The following MSRA variants were observed in gnomAD, a reference collection of about 807,000 sequenced individuals.
The protein encoded by MSRA is mitochondrial peptide methionine sulfoxide reductase.
MSRA carries 54 observed loss-of-function variants against 31.3 expected under a neutral mutation model. The ratio of observed to expected loss-of-function variants is 1.73; its 90% CI spans 1.39 to 2.17. MSRA has a LOEUF of 2.17. Among genes scored for constraint, MSRA ranks in the 30% most tolerant of loss-of-function variants. MSRA has a pLI of 0.00. For missense variants in MSRA, 507 were observed against 300.9 expected, an observed-to-expected ratio of 1.69 and a Z score of -5.07; for synonymous variants, 169 against 116.5, an observed-to-expected ratio of 1.45 and a Z score of -2.90.
At chr8:10,367,078 C>T (rs1046292429) in intron 5 of MSRA, among the ~76,000 whole-genome samples, 1 of 152,174 alleles carries the variant, frequency 6.6e-6, no homozygotes, top group Non-Finnish European at 1.5e-5. Flanking sequence ...TTTTAAATTG[C>T]ATGCCGTTCT....
chr8:10,240,566 A>G (rs1028455054), intron 2 of MSRA, among the ~76,000 whole-genome samples: 5 of 152,008 alleles, frequency 3.3e-5, no homozygotes, highest in Non-Finnish European at 5.9e-5. Context: ...ATGTCCACCT[A>G]TGTCTCTCTA....
At chr8:10,128,262 C>G (rs1801642767) in intron 1 of MSRA, among the ~76,000 whole-genome samples, 1 of 151,908 alleles carries the variant, frequency 6.6e-6, no homozygotes, top group Non-Finnish European at 1.5e-5. Flanking sequence ...GCCTGTAATC[C>G]TAGCTGCTCA....
chr8:10,088,933 T>C (rs1254047863), intron 1 of MSRA, among the ~76,000 whole-genome samples: 1 of 152,042 alleles, frequency 6.6e-6, no homozygotes, highest in Non-Finnish European at 1.5e-5. Context: ...TTTAAAAAGA[T>C]CTCAAATATT....
intron 4 of MSRA, among the ~76,000 whole-genome samples, chr8:10,311,579 A>G (rs1447094706): frequency 6.6e-6 from 1 of 152,160 alleles, no homozygotes. Context: ...TTCTCTTACC[A>G]TAATGCAAGT....
At chr8:10,313,058 C>G (rs1362007858) in intron 4 of MSRA, among the ~76,000 whole-genome samples, 1 of 152,180 alleles carries the variant, frequency 6.6e-6, no homozygotes, top group Admixed American at 6.5e-5. Context: ...GAAAAATCCA[C>G]TAGATACCTA....
At chr8:10,348,456 G>C (rs1159532176) in intron 5 of MSRA, among the ~76,000 whole-genome samples, 4 of 129,212 alleles carry the variant, frequency 3.1e-5, no homozygotes, top group Non-Finnish European at 6.1e-5. Flanking sequence ...TGCAACCTCT[G>C]CCTCCTGTGT....
At chr8:10,162,215 T>G (rs988580935) in intron 1 of MSRA, among the ~76,000 whole-genome samples, 5 of 152,104 alleles carry the variant, frequency 3.3e-5, no homozygotes, top group African/African-American at 1.2e-4. Context: ...CTTATTTATT[T>G]TTATTTTGGA....
chr8:10,397,010 C>T (rs1207703470), intron 5 of MSRA, among the ~76,000 whole-genome samples: 1 of 152,174 alleles, frequency 6.6e-6, no homozygotes, highest in African/African-American at 2.4e-5. Flanking sequence ...CTCCAGGAAC[C>T]TGGATAAGGA....
chr8:10,055,196 C>T (rs1585052369), intron 1 of MSRA, among the ~76,000 whole-genome samples: 1 of 152,186 alleles, frequency 6.6e-6, no homozygotes, highest in Non-Finnish European at 1.5e-5. Context: ...ACCCCTCGTG[C>T]CCTAGGTCGG....
At chr8:10,075,195 T>C (rs1465717950) in intron 1 of MSRA, among the ~76,000 whole-genome samples, 1 of 152,244 alleles carries the variant, frequency 6.6e-6, no homozygotes, top group African/African-American at 2.4e-5. Flanking sequence ...TATTTACTTA[T>C]GTGGATCCCT....
intron 1 of MSRA, among the ~76,000 whole-genome samples, chr8:10,088,254 C>T (rs542276929): frequency 6.6e-6 from 1 of 152,232 alleles, no homozygotes; most frequent in South Asian, 2.1e-4. Context: ...TTGGTATAGC[C>T]ATTATGGAAA....
chr8:10,132,170 G>C (rs1000061214), intron 1 of MSRA, among the ~76,000 whole-genome samples: 4 of 152,110 alleles, frequency 2.6e-5, no homozygotes, highest in South Asian at 4.1e-4. Flanking sequence ...AGGTGATATT[G>C]GTCCTGATCG....
intron 2 of MSRA, among the ~76,000 whole-genome samples, chr8:10,228,053 A>T (rs1467703731): frequency 6.6e-6 from 1 of 152,142 alleles, no homozygotes; most frequent in Non-Finnish European, 1.5e-5. Context: ...AGCTGACCAG[A>T]AGAGACTTAC....
chr8:10,060,296 C>T (rs936254324), intron 1 of MSRA, among the ~76,000 whole-genome samples: 1 of 152,136 alleles, frequency 6.6e-6, no homozygotes, highest in African/African-American at 2.4e-5. Context: ...TGTGGAACAT[C>T]TGTGTGAATG....
At chr8:10,337,922 G>A (rs753504824) in intron 5 of MSRA, 9 of 655,936 alleles carry the variant, frequency 1.4e-5, no homozygotes, top group Non-Finnish European at 2.5e-5. Context: ...TGTTTCTGAT[G>A]CAAGACTAAT....
chr8:10,326,903 C>T (rs184590988), intron 5 of MSRA, among the ~76,000 whole-genome samples: 9 of 152,280 alleles, frequency 5.9e-5, no homozygotes, highest in African/African-American at 2.2e-4. Context: ...TTCTTCCATC[C>T]TGAGAATGTG....
intron 1 of MSRA, among the ~76,000 whole-genome samples, chr8:10,055,575 T>G (rs777991624): frequency 2.6e-5 from 4 of 152,196 alleles, no homozygotes; most frequent in Non-Finnish European, 4.4e-5. Flanking sequence ...AGCCCAACAA[T>G]CTCTAAAACA....
chr8:10,340,051 C>G (rs896704827), intron 5 of MSRA, among the ~76,000 whole-genome samples: 3 of 152,164 alleles, frequency 2.0e-5, no homozygotes, highest in Non-Finnish European at 1.5e-5. Context: ...CATTTCCTGG[C>G]CCGTGTGGTA....
chr8:10,194,526 A>G (rs1304508597), intron 1 of MSRA, among the ~76,000 whole-genome samples: 1 of 152,224 alleles, frequency 6.6e-6, no homozygotes, highest in Non-Finnish European at 1.5e-5. Flanking sequence ...AGATCATGCT[A>G]ATGCACTTCT....
Sources: gnomAD v4.1 joint callset for allele counts (sites outside exome capture counted in the v4.1 genomes callset) on GRCh38, gnomAD v4.1.1 for gene constraint, MANE v1.5 for transcripts, NCBI Gene and HGNC (gene_info 2026-07-23, HGNC 2026-07-21) for gene names.